SIRT1: variants seen among roughly 807,000 people sequenced by gnomAD.
The protein encoded by SIRT1 is sirtuin 1.
In SIRT1, 24 loss-of-function variants were observed where a neutral mutation model predicts 67.9. The observed-to-expected ratio is 0.35, with a 90% CI of 0.26 to 0.50. The LOEUF (loss-of-function observed/expected upper bound fraction) is 0.50. SIRT1 is among the 20% of genes least tolerant of loss of function. The pLI is 0.98. For missense variants in SIRT1, 873 were observed against 937.2 expected, an observed-to-expected ratio of 0.93 and a Z score of 0.89; for synonymous variants, 378 against 350.7, an observed-to-expected ratio of 1.08 and a Z score of -0.87.
At chr10:67,907,331 C>T (rs1331041183) in intron 5 of SIRT1, among the ~76,000 whole-genome samples, 1 of 151,878 alleles carries the variant, frequency 6.6e-6, no homozygotes, top group Non-Finnish European at 1.5e-5. Context: ...CCCAACTCTA[C>T]TAGAAATACT....
intron 3 of SIRT1, among the ~76,000 whole-genome samples, chr10:67,890,656 C>T (rs904788371): frequency 5.3e-5 from 8 of 151,780 alleles, no homozygotes; most frequent in Admixed American, 1.3e-4. Context: ...TTGCTTGAGC[C>T]GGAAAGGTTA....
At chr10:67,904,384 G>A (rs1248559037) in intron 4 of SIRT1, among the ~76,000 whole-genome samples, 1 of 150,664 alleles carries the variant, frequency 6.6e-6, no homozygotes, top group Non-Finnish European at 1.5e-5. Flanking sequence ...TAACCTGCCC[G>A]CCTCGGCCTT....
At position 67,891,539 on chromosome 10, in the gene SIRT1, C is replaced by T; in HGVS notation, c.927C>T (p.Phe309=). The T allele has an allele frequency of 1.9e-6, 3 of 1,614,026 alleles. No individual in the cohort carries two copies. The highest frequency in any genetic ancestry group is 2.5e-6 in the Non-Finnish European group (3 of 1,179,970). ...ATTTCAGAAAAGATCCAAGACCATT[C>T]TTCAAGTTTGCAAAGGTACTATGAA... ...IEYFRKDPRP[F]FKFAKEIYPG... The change falls in exon 4 of 9, where the codon TTC becomes TTT. Residue 309 remains phenylalanine (F), a synonymous_variant. Transcript: ENST00000212015.
At position 67,891,521 on chromosome 10, in the gene SIRT1, A is replaced by C; in HGVS notation, c.909A>C (p.Arg303Ser). The C allele has an allele frequency of 6.2e-7, 1 of 1,614,182 alleles. No homozygotes were observed. Among genetic ancestry groups the C allele is most frequent in the Non-Finnish European group, 8.5e-7 (1 of 1,180,028 alleles). Residue 303 changes from arginine (R) to serine (S), a missense_variant, in exon 4 of 9, where the codon AGA becomes AGC. Around this residue, in one of 3 missense-constraint regions of SIRT1, gnomAD observed 251 missense variants for 358.8 expected, o/e 0.70. Transcript: ENST00000212015. ...CGATGTTTGATATTGAATATTTCAG[A>C]AAAGATCCAAGACCATTCTTCAAGT... is the stretch of plus-strand genomic sequence containing the variant. Reference protein sequence around the residue: ...PQAMFDIEYFRKDPRPFFKFA... With the variant: ...PQAMFDIEYFSKDPRPFFKFA...
chr10:67,906,385 C>A (rs1421421188), intron 4 of SIRT1: 3 of 1,137,902 alleles, frequency 2.6e-6, no homozygotes, highest in Admixed American at 3.2e-5. Flanking sequence ...ATTGACAGTG[C>A]TTTTTTTTTT....
intron 4 of SIRT1, among the ~76,000 whole-genome samples, chr10:67,894,765 A>G (rs950613477): frequency 3.9e-5 from 6 of 152,070 alleles, no homozygotes; most frequent in Non-Finnish European, 8.8e-5. Context: ...GCTGTAGTGC[A>G]TTGGCGCGAT....
intron 4 of SIRT1, among the ~76,000 whole-genome samples, chr10:67,899,859 T>C (rs1460521597): frequency 6.6e-6 from 1 of 151,500 alleles, no homozygotes; most frequent in African/African-American, 2.4e-5. Context: ...CCGAGGCGGG[T>C]GGATCACTTG....
intron 4 of SIRT1, among the ~76,000 whole-genome samples, chr10:67,904,229 G>A: frequency 6.6e-6 from 1 of 150,860 alleles, no homozygotes; most frequent in South Asian, 2.1e-4. Context: ...CTGGGCTCAG[G>A]TGATCCTCCC....
intron 1 of SIRT1, among the ~76,000 whole-genome samples, chr10:67,886,999 G>A (rs533597013): frequency 1.6e-4 from 24 of 152,064 alleles, no homozygotes; most frequent in African/African-American, 5.8e-4. Context: ...AGCCTCCTGA[G>A]TAGTTGGGAT....
At chr10:67,886,575 A>G (rs1374969808) in intron 1 of SIRT1, among the ~76,000 whole-genome samples, 1 of 142,994 alleles carries the variant, frequency 7.0e-6, no homozygotes, top group Admixed American at 7.0e-5. Context: ...AAAAAAAAAA[A>G]GTAATATGTG....
chr10:67,899,207 G>A (rs575923529), intron 4 of SIRT1, among the ~76,000 whole-genome samples: 386 of 151,458 alleles, frequency 2.5e-3, no homozygotes, highest in African/African-American at 9.0e-3. Context: ...CCTGTAATCC[G>A]AGCACTTTGG....
In SIRT1 at chr10:67,916,403, T is replaced by G. The variant is rs754362414; in HGVS notation, c.2054T>G (p.Leu685Ter). 2 of 1,614,168 alleles carry G rather than the reference T, an allele frequency of 1.2e-6. No individual in the cohort carries two copies. The highest frequency in any genetic ancestry group is 1.7e-6 in the Non-Finnish European group (2 of 1,180,028). ...AGTGGGACATGCCAGAGTCCAAGTTTAGAAGAACCCATGGAGGATGAAAGT... is the reference window on the plus strand; with the variant it reads ...AGTGGGACATGCCAGAGTCCAAGTTGAGAAGAACCCATGGAGGATGAAAGT... ...SDSGTCQSPS[L>*]EEPMEDESEI... The change falls in exon 9 of 9, where the codon TTA (leucine) becomes TGA (stop). Residue 685 changes from leucine to a stop codon, truncating the protein, a stop_gained. Coordinates refer to ENST00000212015, the MANE Select transcript of SIRT1 (RefSeq NM_012238.5). LOFTEE classifies it high-confidence loss of function.
In SIRT1 at chr10:67,885,083, A is replaced by G; in HGVS notation, c.362A>G (p.Tyr121Cys). ...GAGCCACCGCTGGCCGACAACTTGTACGACGAAGACGACGACGACGAGGGC... is the reference window on the plus strand; with the variant it reads ...GAGCCACCGCTGGCCGACAACTTGTGCGACGAAGACGACGACGACGAGGGC... The part of the protein sequence containing the change: ...SREPPLADNL[Y>C]DEDDDDEGEE... The change falls in exon 1 of 9, where the codon TAC becomes TGC. Residue 121 changes from tyrosine to cysteine, a missense_variant. Transcript: ENST00000212015. 1 of 1,446,154 alleles carries G rather than the reference A, an allele frequency of 6.9e-7. No homozygotes were observed. Among genetic ancestry groups the G allele is most frequent in the Non-Finnish European group, 9.1e-7 (1 of 1,093,078 alleles). 89.6% of individuals were successfully genotyped at this position (1,446,154 alleles called of 1,614,324 possible).
intron 4 of SIRT1, among the ~76,000 whole-genome samples, chr10:67,892,281 G>A (rs1274280480): frequency 1.3e-5 from 2 of 152,142 alleles, no homozygotes; most frequent in Non-Finnish European, 2.9e-5. Context: ...TAAATAAAAT[G>A]TATTTTGGGC....
chr10:67,885,429 T>TA (rs1420936565), intron 1 of SIRT1: 4 of 1,213,718 alleles, frequency 3.3e-6, no homozygotes, highest in Non-Finnish European at 4.1e-6. Flanking sequence ...CGCTTTAAAA[T>TA]AAGTTTCTCT....
intron 7 of SIRT1, among the ~76,000 whole-genome samples, chr10:67,911,657 ATCCTTCCTTCTGTTAG>A (rs1376775071): frequency 1.9e-5 from 2 of 103,000 alleles, no homozygotes; most frequent in Admixed American, 1.6e-4. Flanking sequence ...CCTTCCATTC[ATCCTTCCTTCTGTTAG>A]TCCTTCCTTC....
rs1337575063 is a variant in SIRT1, at chr10:67,887,553, A to C, written c.547+20A>C. On this transcript the variant is annotated intron_variant, in intron 2 of 8. Transcript: ENST00000212015. Reference sequence around the variant, plus strand: ...GGATAGGTATGGCTCAGAGCTGTTAATTTTAGAGAGTAAATGTACGGTTTT... The same window carrying C: ...GGATAGGTATGGCTCAGAGCTGTTACTTTTAGAGAGTAAATGTACGGTTTT... 1.4e-6 allele frequency: 2 copies of C among 1,480,324 alleles called. No homozygotes were observed. The highest frequency in any genetic ancestry group is 2.8e-5 in the African/African-American group (2 of 71,678). The allele number at this position is 1,480,324 out of a possible 1,614,324, so 91.7% of individuals were successfully genotyped here.
At chr10:67,904,114 GT>G (rs371262925) in intron 4 of SIRT1, among the ~76,000 whole-genome samples, 4 of 135,892 alleles carry the variant, frequency 2.9e-5, no homozygotes, top group Non-Finnish European at 4.8e-5. Flanking sequence ...AGATTTTTTA[GT>G]TTTTTTTGTT....
chr10:67,895,930 C>T (rs528570888), intron 4 of SIRT1, among the ~76,000 whole-genome samples: 14 of 151,744 alleles, frequency 9.2e-5, no homozygotes, highest in African/African-American at 2.4e-4. Context: ...TTAGTAGAGA[C>T]GGGATTTCAC....
Sources: allele counts gnomAD v4.1 joint callset (sites outside exome capture counted in the v4.1 genomes callset), GRCh38; gene constraint gnomAD v4.1.1; regional missense constraint gnomAD v4.1.1; transcripts MANE v1.5; gene names NCBI Gene and HGNC (gene_info 2026-07-23, HGNC 2026-07-21).